USP9X: variants seen among roughly 807,000 people sequenced by gnomAD.
USP9X encodes ubiquitin specific peptidase 9 X-linked, also known as ubiquitin carboxyl-terminal hydrolase 9X.
In USP9X, 7 loss-of-function variants were observed where a neutral mutation model predicts 190.3. That is an observed-to-expected ratio of 0.04 (90% CI 0.02 to 0.07). The LOEUF (loss-of-function observed/expected upper bound fraction) is 0.07. Among genes scored for constraint, USP9X ranks in the 10% least tolerant of loss-of-function variants. The pLI, the probability that USP9X is intolerant of heterozygous loss-of-function variation, is 1.00. For missense variants in USP9X, 1,010 were observed against 1,916.9 expected (o/e 0.53, Z 8.83); for synonymous variants, 645 against 659.5 (o/e 0.98, Z 0.34).
At chrX:41,188,139 T>C (rs757254762) in intron 25 of USP9X, 22 bp downstream of exon 25, 1 of 1,172,221 alleles carries the variant, frequency 8.5e-7, no homozygotes, top group South Asian at 1.9e-5. Flanking sequence ...CACAGAACTA[T>C]ATTCCTTGTA....
At position 41,123,735 on chromosome X, in the gene USP9X, G is replaced by C. The variant is rs186921151; in HGVS notation, c.96+11G>C. 1 of 1,197,989 alleles carries C rather than the reference G, an allele frequency of 8.3e-7. No homozygotes were observed. The highest frequency in any genetic ancestry group is 3.0e-5 in the East Asian group (1 of 33,676). Reference sequence around the variant, plus strand: ...CTCCAACAGAATCAGGTAGGATGTTGAAGATACTAGTTAAAGCTACAGTGG... The same window carrying C: ...CTCCAACAGAATCAGGTAGGATGTTCAAGATACTAGTTAAAGCTACAGTGG... On this transcript the variant is annotated intron_variant, in intron 2 of 44. Transcript: ENST00000378308.
At chrX:41,142,877 T>A (rs1205755164) in intron 9 of USP9X, among the ~76,000 whole-genome samples, 2 of 110,558 alleles carry the variant, frequency 1.8e-5, no homozygotes, top group African/African-American at 6.6e-5. Context: ...GCAATAATAG[T>A]GCCTAGCACA....
At chrX:41,146,109 C>T (rs868078299) in intron 11 of USP9X, among the ~76,000 whole-genome samples, 5 of 111,476 alleles carry the variant, frequency 4.5e-5, no homozygotes, top group Non-Finnish European at 9.4e-5. Flanking sequence ...AATGATGATA[C>T]GTGACCAGTG....
Position 41,093,861 on chromosome X carries a change from C to G in USP9X, c.-159+7752C>G, listed in dbSNP as rs964509236. Reference sequence around the variant, plus strand: ...ATAATTAGAAATAAAAGTTTCTGTACTCTGTGAGTGGGAAAAACCCCTAAA... The same window carrying G: ...ATAATTAGAAATAAAAGTTTCTGTAGTCTGTGAGTGGGAAAAACCCCTAAA... On this transcript the variant is annotated intron_variant, in intron 1 of 44. Transcript: ENST00000378308. 4.5e-5 allele frequency among the ~76,000 whole-genome samples: 5 copies of G among 112,028 alleles called. No individual in the cohort carries two copies. The Admixed American group carries it at 4.7e-4, about 11-fold the overall frequency.
intron 38 of USP9X, among the ~76,000 whole-genome samples, chrX:41,220,815 C>T (rs1195846180): frequency 2.8e-5 from 3 of 107,272 alleles, no homozygotes; most frequent in African/African-American, 6.8e-5. Context: ...ATTAGCAGGG[C>T]GTGGTGGCGG....
chrX:41,180,481 C>A (rs919316431), intron 21 of USP9X, among the ~76,000 whole-genome samples: 1 of 112,146 alleles, frequency 8.9e-6, no homozygotes, highest in African/African-American at 3.2e-5. Context: ...AACTAGAATA[C>A]CTAAATTTGA....
chrX:41,161,857 G>A (rs2062636155), intron 14 of USP9X, among the ~76,000 whole-genome samples: 1 of 107,419 alleles, frequency 9.3e-6, no homozygotes, highest in Admixed American at 1.0e-4. Flanking sequence ...CCAAATTGCT[G>A]GGATTACAGG....
At chrX:41,194,057 G>A (rs1447095931) in intron 26 of USP9X, among the ~76,000 whole-genome samples, 1 of 111,770 alleles carries the variant, frequency 8.9e-6, no homozygotes, top group Non-Finnish European at 1.9e-5. Flanking sequence ...ATTAAGTTAT[G>A]GGCTTGCTCC....
At chrX:41,203,398 T>TACTCTACATACCTCATATAAGTGATTATA (rs2147207556) in intron 31 of USP9X, among the ~76,000 whole-genome samples, 1 of 112,581 alleles carries the variant, frequency 8.9e-6, no homozygotes, top group South Asian at 3.6e-4. Flanking sequence ...TATGATTGAC[T>TACTCTACATACCTCATATAAGTGATTATA]ACTCTACATA....
chrX:41,144,024 C>T (rs770609942), intron 10 of USP9X, among the ~76,000 whole-genome samples: 1 of 110,745 alleles, frequency 9.0e-6, no homozygotes, highest in South Asian at 3.8e-4. Context: ...CCTTTGAGTG[C>T]TTAAGGTTCC....
intron 2 of USP9X, among the ~76,000 whole-genome samples, chrX:41,125,714 T>TCGCGCG (rs1433401816): frequency 1.1e-4 from 11 of 102,986 alleles, no homozygotes; most frequent in African/African-American, 4.1e-4. Flanking sequence ...TCTCTCTCTC[T>TCGCGCG]CTCTCGCGCA....
chrX:41,112,036 G>T (rs942570521), intron 1 of USP9X, among the ~76,000 whole-genome samples: 2 of 110,766 alleles, frequency 1.8e-5, no homozygotes, highest in African/African-American at 3.3e-5. Context: ...GTAGAGATGG[G>T]GTTTCTCCAC....
At chrX:41,096,524 C>T (rs1475360470) in intron 1 of USP9X, among the ~76,000 whole-genome samples, 3 of 111,670 alleles carry the variant, frequency 2.7e-5, no homozygotes, top group Admixed American at 9.5e-5. Context: ...CTCAGTGCAA[C>T]GTCTGCCTCC....
At chrX:41,222,202 T>C (rs2063269761) in intron 38 of USP9X, among the ~76,000 whole-genome samples, 1 of 112,129 alleles carries the variant, frequency 8.9e-6, no homozygotes, top group Admixed American at 9.5e-5. Flanking sequence ...ATTAAAGCCG[T>C]GAGCGTGGGC....
intron 6 of USP9X, among the ~76,000 whole-genome samples, chrX:41,137,375 C>A (rs1320009549): frequency 2.7e-5 from 3 of 110,896 alleles, no homozygotes; most frequent in Non-Finnish European, 5.7e-5. Flanking sequence ...ATTTTGACTC[C>A]AAAATCAAGT....
Position 41,153,010 on chromosome X carries a change from A to G in USP9X, c.1826A>G (p.Asn609Ser), listed in dbSNP as rs751362526. ...RHDLINQLQH[N>S]HALVTLVAEN... ...GACTTAATCAATCAACTTCAACACA[A>G]TCATGCCCTAGTTACTTTGGTAGCA... Residue 609 changes from asparagine (N) to serine (S), a missense_variant, in exon 14 of 45, where the codon AAT becomes AGT. By Grantham distance (46) the Asn-to-Ser change is conservative. Transcript: ENST00000378308. 14 of 1,209,290 alleles carry G rather than the reference A, an allele frequency of 1.2e-5. No individual in the cohort carries two copies. In the East Asian group the frequency reaches 1.2e-4, roughly 10 times the overall value.
chrX:41,136,938 A>G lies in USP9X; in HGVS notation c.570A>G (p.Thr190=), dbSNP rs2062379019. ...PHCKFHIYNG[T]RPCESVSSSV... Reference sequence around the variant, plus strand: ...GCAAATTCCATATCTACAATGGTACACGTCCATGTGAATCAGTTTCCTCAA... The same window carrying G: ...GCAAATTCCATATCTACAATGGTACGCGTCCATGTGAATCAGTTTCCTCAA... Residue 190 remains threonine, a synonymous_variant, in exon 6 of 45, where the codon ACA becomes ACG. Coordinates refer to ENST00000378308, the MANE Select transcript of USP9X (RefSeq NM_001039591.3). 1 of 1,211,595 alleles carries G rather than the reference A, an allele frequency of 8.3e-7. No individual in the cohort carries two copies. Among genetic ancestry groups the G allele is most frequent in the Non-Finnish European group, 1.1e-6 (1 of 895,290 alleles).
In USP9X at chrX:41,095,397, A is replaced by G. The variant is rs778183082; in HGVS notation, c.-159+9288A>G. Among the ~76,000 whole-genome samples the G allele has an allele frequency of 7.0e-4, 78 of 112,115 alleles. 1 individual carries two copies. The highest frequency in any genetic ancestry group is 1.3e-3 in the Non-Finnish European group (71 of 53,189). On this transcript the variant is annotated intron_variant, in intron 1 of 44. Coordinates refer to ENST00000378308, the MANE Select transcript of USP9X (RefSeq NM_001039591.3). ...TAACCCTATTGACAGTTTGGGGCAG[A>G]TAAGTCTTTGTTGTGAGGTGCTGTC...
chrX:41,102,886 G>T (rs2062044657), intron 1 of USP9X, among the ~76,000 whole-genome samples: 1 of 110,175 alleles, frequency 9.1e-6, no homozygotes, highest in Admixed American at 9.7e-5. Context: ...TCCACCTCCT[G>T]GGTTCAAACA....
Sources: gnomAD v4.1 joint callset for allele counts (sites outside exome capture counted in the v4.1 genomes callset) on GRCh38, gnomAD v4.1.1 for gene constraint, MANE v1.5 for transcripts, NCBI Gene and HGNC (gene_info 2026-07-23, HGNC 2026-07-21) for gene names.